The following RHOH variants were observed in gnomAD, a reference collection of about 807,000 sequenced individuals.
RHOH encodes the protein ras homolog family member H, also known as rho-related GTP-binding protein RhoH.
In RHOH, 6 loss-of-function variants were observed where a neutral mutation model predicts 13.8. The observed-to-expected ratio is 0.44, with a 90% CI of 0.24 to 0.86. The LOEUF is 0.86. Ranked by LOEUF, RHOH falls within the 40% of genes least tolerant of loss-of-function variation. The pLI, the probability that RHOH is intolerant of heterozygous loss-of-function variation, is 0.24. For missense variants in RHOH, 147 were observed against 244.5 expected (o/e 0.60, Z 2.66); for synonymous variants, 117 against 103.0 (o/e 1.14, Z -0.82).
intron 1 of RHOH, chr4:40,209,507 A>T (rs1276539366): frequency 3.9e-5 from 6 of 152,066 alleles, no homozygotes; most frequent in African/African-American, 1.4e-4. Context: ...GTGCAGTGGC[A>T]TGATGATGGC....
chr4:40,234,435 T>C (rs1312822515), intron 1 of RHOH, among the ~76,000 whole-genome samples: 1 of 152,156 alleles, frequency 6.6e-6, no homozygotes, highest in African/African-American at 2.4e-5. Context: ...CTAAGAACTC[T>C]AGACCTCAGG....
intron 1 of RHOH, among the ~76,000 whole-genome samples, chr4:40,224,758 C>T (rs568095938): frequency 7.9e-5 from 12 of 152,296 alleles, no homozygotes; most frequent in Middle Eastern, 3.4e-3. Flanking sequence ...GTAGAAACCC[C>T]GGAACAGAAC....
chr4:40,196,808 G>A (rs1359019904), upstream of RHOH: 3 of 151,942 alleles, frequency 2.0e-5, no homozygotes, highest in Non-Finnish European at 2.9e-5. Context: ...GGCTAAGGGG[G>A]AGAGAAACAT....
intron 1 of RHOH, chr4:40,205,574 A>G (rs1724549509): frequency 6.6e-6 from 1 of 152,186 alleles, no homozygotes; most frequent in Non-Finnish European, 1.5e-5. Flanking sequence ...CTGACCTGCA[A>G]TTTGGGGAAC....
intron 1 of RHOH, among the ~76,000 whole-genome samples, chr4:40,236,717 G>T (rs560736095): frequency 5.3e-4 from 80 of 152,086 alleles, no homozygotes; most frequent in Admixed American, 9.8e-4. Flanking sequence ...GCTTGAACCC[G>T]GGAGGTGGAG....
At chr4:40,214,706 T>C (rs574722694) in intron 1 of RHOH, among the ~76,000 whole-genome samples, 1 of 152,356 alleles carries the variant, frequency 6.6e-6, no homozygotes, top group South Asian at 2.1e-4. Flanking sequence ...TGCCCATCCA[T>C]GCATTATCAG....
At chr4:40,198,979 G>A (rs1723598329) in intron 1 of RHOH, among the ~76,000 whole-genome samples, 1 of 152,008 alleles carries the variant, frequency 6.6e-6, no homozygotes, top group East Asian at 1.9e-4. Flanking sequence ...CAAACATACA[G>A]CACGGTGAAT....
At chr4:40,206,649 A>G (rs184444492) in intron 1 of RHOH, among the ~76,000 whole-genome samples, 1 of 152,270 alleles carries the variant, frequency 6.6e-6, no homozygotes, top group East Asian at 1.9e-4. Context: ...AGTAGGAGAG[A>G]GGGTTGGAGG....
chr4:40,236,936 C>T (rs1176636919), intron 1 of RHOH, among the ~76,000 whole-genome samples: 3 of 152,064 alleles, frequency 2.0e-5, no homozygotes, highest in Non-Finnish European at 4.4e-5. Flanking sequence ...TAGGAATTGT[C>T]GAAACCGTGG....
chr4:40,231,746 G>A (rs1470578882), intron 1 of RHOH, among the ~76,000 whole-genome samples: 2 of 152,032 alleles, frequency 1.3e-5, no homozygotes, highest in African/African-American at 2.4e-5. Context: ...TGATCCCAAC[G>A]GCAGGAGCCT....
chr4:40,208,369 G>A (rs531448044), intron 1 of RHOH, among the ~76,000 whole-genome samples: 67 of 152,270 alleles, frequency 4.4e-4, no homozygotes, highest in Non-Finnish European at 6.3e-4. Flanking sequence ...TAACGAATTA[G>A]TAACCAATGT....
At chr4:40,238,313 A>G (rs1173220720) in intron 1 of RHOH, among the ~76,000 whole-genome samples, 3 of 152,180 alleles carry the variant, frequency 2.0e-5, no homozygotes, top group Non-Finnish European at 4.4e-5. Context: ...TTTCCAGCCA[A>G]TAGGATGGCA....
At chr4:40,210,362 C>T (rs1283932826) in intron 1 of RHOH, among the ~76,000 whole-genome samples, 2 of 152,178 alleles carry the variant, frequency 1.3e-5, no homozygotes, top group African/African-American at 4.8e-5. Flanking sequence ...GACTGCCTGC[C>T]ATTTTGTTGT....
At chr4:40,217,232 C>T (rs948966016) in intron 1 of RHOH, among the ~76,000 whole-genome samples, 1 of 152,184 alleles carries the variant, frequency 6.6e-6, no homozygotes, top group African/African-American at 2.4e-5. Context: ...GGGGTTAATC[C>T]TGACCCAGGA....
At position 40,240,955 on chromosome 4, in the gene RHOH, G is replaced by C. The variant is rs117552026; in HGVS notation, c.-330-1759G>C. Reference sequence around the variant, plus strand: ...GAGGACTGCTTGAGCTCAGGAGTTTGAGACCAGCCTGAACAATATAATGAG... The same window carrying C: ...GAGGACTGCTTGAGCTCAGGAGTTTCAGACCAGCCTGAACAATATAATGAG... On this transcript the variant is annotated intron_variant, in intron 1 of 2. Coordinates refer to ENST00000381799, the MANE Select transcript of RHOH (RefSeq NM_004310.5). 4.5e-3 allele frequency among the ~76,000 whole-genome samples: 677 copies of C among 151,924 alleles called. 17 individuals are homozygous for C. The East Asian group carries it at 0.06, about 14-fold the overall frequency.
chr4:40,200,139 G>A (rs1010365363), intron 1 of RHOH, among the ~76,000 whole-genome samples: 2 of 152,166 alleles, frequency 1.3e-5, no homozygotes, highest in Middle Eastern at 3.2e-3. Flanking sequence ...AGAGCAAGGA[G>A]GGTGTCAGAG....
At chr4:40,241,264 C>T (rs947304808) in intron 1 of RHOH, among the ~76,000 whole-genome samples, 10 of 152,112 alleles carry the variant, frequency 6.6e-5, no homozygotes, top group East Asian at 1.9e-4. Flanking sequence ...GTGGTCCCTC[C>T]GCTATGGACA....
Position 40,213,285 on chromosome 4 carries a change from C to T in RHOH, c.-331+15985C>T, listed in dbSNP as rs77530806. On this transcript the variant is annotated intron_variant, in intron 1 of 2. Transcript: ENST00000381799. ...TATGATAGTGAAAGTTGCCTTGAAC[C>T]TTGTTTTAGAAAAATGGCAAGTGTG... is the stretch of plus-strand genomic sequence containing the variant. 4.0e-3 allele frequency among the ~76,000 whole-genome samples: 613 copies of T among 151,930 alleles called. 12 individuals are homozygous for T. Among genetic ancestry groups the T allele is most frequent in the South Asian group, 0.037 (180 of 4,802 alleles).
In RHOH at chr4:40,218,161, G is replaced by A. The variant is rs981527259; in HGVS notation, c.-331+20861G>A. The stretch of plus-strand genomic sequence containing the variant: ...GTCCGGCAAAGCACGAGGATGCTTT[G>A]GAGAACGGAAGGATTTCATCGAGTC... On this transcript the variant is annotated intron_variant, in intron 1 of 2. Coordinates refer to ENST00000381799, the MANE Select transcript of RHOH (RefSeq NM_004310.5). This position sits in a 1 kb window ranked among gnomAD's most constrained non-coding sequence, Gnocchi z 4.1. 3.9e-5 allele frequency: 6 copies of A among 152,312 alleles called. No individual in the cohort carries two copies. The highest frequency in any genetic ancestry group is 1.4e-4 in the African/African-American group (6 of 41,552). 9.4% of individuals were successfully genotyped at this position (152,312 alleles called of 1,614,324 possible).
Sources: gnomAD v4.1 joint callset for allele counts (sites outside exome capture counted in the v4.1 genomes callset) on GRCh38, gnomAD v4.1.1 for gene constraint, Gnocchi (gnomAD v3.1) non-coding constraint, MANE v1.5 for transcripts, NCBI Gene and HGNC (gene_info 2026-07-23, HGNC 2026-07-21) for gene names.